Variants in BRD8 observed in about 807,000 individuals in gnomAD.
BRD8 encodes the protein bromodomain containing 8, also known as bromodomain-containing protein 8.
In BRD8, 67 loss-of-function variants were observed where a neutral mutation model predicts 143.1. The observed-to-expected ratio is 0.47, with a 90% confidence interval of 0.38 to 0.57. The LOEUF is 0.57. BRD8 is among the 20% of genes least tolerant of loss of function. The probability of loss-of-function intolerance (pLI) is 0.00; values close to 1 mark genes in which losing one functional copy is unlikely to be tolerated. For missense variants in BRD8, 1,103 were observed against 1,503.0 expected (o/e 0.73, Z 4.40); for synonymous variants, 505 against 517.1 (o/e 0.98, Z 0.32).
chr5:138,152,998 G>T (rs1752430201), intron 20 of BRD8, among the ~76,000 whole-genome samples: 1 of 152,162 alleles, frequency 6.6e-6, no homozygotes, highest in South Asian at 2.1e-4. Context: ...ATACAATACA[G>T]TATAATAGAG....
intron 23 of BRD8, 118 bp downstream of exon 23, chr5:138,149,522 T>G: frequency 1.2e-6 from 1 of 819,706 alleles, no homozygotes. Context: ...TTAATTATAT[T>G]TTTTGTGTTT....
chr5:138,151,911 A>G (rs1036389070), intron 21 of BRD8, among the ~76,000 whole-genome samples: 4 of 151,892 alleles, frequency 2.6e-5, no homozygotes, highest in African/African-American at 9.7e-5. Context: ...CTGGAGTGCA[A>G]TGGTGTGATC....
At chr5:138,175,172 C>T (rs943294688) in intron 2 of BRD8, among the ~76,000 whole-genome samples, 24 of 152,210 alleles carry the variant, frequency 1.6e-4, no homozygotes, top group Admixed American at 3.9e-4. Context: ...GCGTGAGCCA[C>T]TGCGCCCGGC....
rs140265024 is a variant in BRD8 at position 138,150,804 on chromosome 5, C to A, written c.3061G>T (p.Val1021Leu). ...KPLGENGKPE[V>L]ASAPSVICTV... ...CAAATAACTGAGGGAGCTGAAGCCA[C>A]CTCTGGCTTTCCATTTTCTCCCAGT... Residue 1021 changes from valine to leucine, a missense_variant, in exon 22 of 27, where the codon GTG becomes TTG. Transcript: ENST00000254900. 97 of 1,614,204 alleles carry A rather than the reference C, an allele frequency of 6.0e-5. No individual in the cohort carries two copies. In the African/African-American group the frequency reaches 1.3e-3, roughly 21 times the overall value.
rs1753384977 is a variant in BRD8 at position 138,165,982 on chromosome 5, C to T, written c.1124G>A (p.Gly375Glu). Residue 375 changes from glycine to glutamate, a missense_variant, in exon 11 of 27, where the codon GGG becomes GAG. Coordinates refer to ENST00000254900, the MANE Select transcript of BRD8 (RefSeq NM_139199.2). ...NSIKEECFRS[G>E]VAEAPVGSKA... ...TGATCCAACAGGAGCCTCTGCTACCCCTGATCGAAAACACTCTTCTTTGAT... is the reference window on the plus strand; with the variant it reads ...TGATCCAACAGGAGCCTCTGCTACCTCTGATCGAAAACACTCTTCTTTGAT... 1 of 1,614,158 alleles carries T rather than the reference C, an allele frequency of 6.2e-7. No individual in the cohort carries two copies. Among genetic ancestry groups the T allele is most frequent in the Non-Finnish European group, 8.5e-7 (1 of 1,180,042 alleles).
chr5:138,156,246 T>C (rs947893932), intron 20 of BRD8, among the ~76,000 whole-genome samples: 1 of 152,170 alleles, frequency 6.6e-6, no homozygotes, highest in East Asian at 1.9e-4. Context: ...TTCAAGTGCT[T>C]CTTCTGCCTC....
In BRD8 at chr5:138,177,677, G is replaced by GCAA; in HGVS notation, c.20-11_20-10insTTG. The GCAA allele has an allele frequency of 7.7e-7, 1 of 1,303,764 alleles. No homozygotes were observed. Among genetic ancestry groups the GCAA allele is most frequent in the Non-Finnish European group, 1.0e-6 (1 of 975,654 alleles). 80.8% of individuals were successfully genotyped at this position (1,303,764 alleles called of 1,614,324 possible). On this transcript the variant is annotated splice_polypyrimidine_tract_variant and intron_variant, in intron 1 of 26. Coordinates refer to ENST00000254900, the MANE Select transcript of BRD8 (RefSeq NM_139199.2). The stretch of plus-strand genomic sequence containing the variant: ...CTTAGCAGCTTGTGTTCTGGGAAAG[G>GCAA]GAGAAAAAAAAAAAAGCCTTGGAAA...
intron 20 of BRD8, chr5:138,156,879 A>G (rs1244211329): frequency 8.3e-6 from 9 of 1,082,706 alleles, no homozygotes; most frequent in Admixed American, 9.8e-5. Flanking sequence ...GAACAAGCCA[A>G]AGGCTAGTTT....
chr5:138,171,522 G>A (rs946903233), intron 3 of BRD8, 112 bp from the exon 4 acceptor site: 1 of 710,700 alleles, frequency 1.4e-6, no homozygotes, highest in African/African-American at 1.8e-5. Flanking sequence ...CTATATGTAA[G>A]ACGGGAGTGG....
At chr5:138,144,920 T>A (rs56259296) in intron 25 of BRD8, among the ~76,000 whole-genome samples, 22,312 of 112,828 alleles carry the variant, frequency 0.2, 2,411 homozygotes, top group Non-Finnish European at 0.22. Context: ...AAAAAAAAAA[T>A]ATATATATAT....
intron 23 of BRD8, among the ~76,000 whole-genome samples, chr5:138,146,499 G>A (rs1752155349): frequency 6.6e-6 from 1 of 151,746 alleles, no homozygotes; most frequent in African/African-American, 2.4e-5. Flanking sequence ...GGGACTCCAG[G>A]CACATGCCAC....
chr5:138,159,672 C>T (rs1752852445), intron 19 of BRD8, 73 bp from the exon 20 acceptor site: 2 of 1,455,652 alleles, frequency 1.4e-6, no homozygotes, highest in Non-Finnish European at 1.9e-6. Flanking sequence ...AACCTCAGGA[C>T]AGAGACACAA....
intron 20 of BRD8, among the ~76,000 whole-genome samples, chr5:138,158,432 CTTT>C: frequency 6.7e-6 from 1 of 149,436 alleles, no homozygotes; most frequent in South Asian, 2.1e-4. Context: ...GCAGTGGTCA[CTTT>C]TTTTTTTCTT....
rs1009313990 is a variant in BRD8 at position 138,164,809 on chromosome 5, C to T, written c.1636G>A (p.Glu546Lys). 1 of 1,614,224 alleles carries T rather than the reference C, an allele frequency of 6.2e-7. No homozygotes were observed. Among genetic ancestry groups the T allele is most frequent in the African/African-American group, 1.3e-5 (1 of 75,056 alleles). Reference sequence around the variant, plus strand: ...CCAGCTGCAGTACTTCCCAGTTCCTCATCTAAGTCCTGACTCCTGAGTTCT... The same window carrying T: ...CCAGCTGCAGTACTTCCCAGTTCCTTATCTAAGTCCTGACTCCTGAGTTCT... ...PPELRSQDLD[E>K]ELGSTAAGEI... Residue 546 changes from glutamate (E) to lysine (K), a missense_variant, in exon 12 of 27, where the codon GAG (glutamate) becomes AAG (lysine). Glu to Lys is a moderately conservative substitution (Grantham distance 56). Coordinates refer to ENST00000254900, the MANE Select transcript of BRD8 (RefSeq NM_139199.2).
rs35529846 is a variant in BRD8 at position 138,142,759 on chromosome 5, CAAAAAAAAA to C, written c.3438-1886_3438-1878del. Among the ~76,000 whole-genome samples, 6 of 83,844 alleles carry C rather than the reference CAAAAAAAAA, an allele frequency of 7.2e-5. No individual in the cohort carries two copies. In the East Asian group the frequency reaches 2.1e-3, roughly 29 times the overall value. 55.0% of individuals were successfully genotyped at this position (83,844 alleles called of 152,430 possible). On this transcript the variant is annotated intron_variant, in intron 25 of 26. Transcript: ENST00000254900. ...GCCTGGTGACAGAGCAAGACTGTCT[CAAAAAAAAA>C]AAAAAAAAAAAATCCAAAATAGGCT... is the stretch of plus-strand genomic sequence containing the variant.
chr5:138,170,733 G>C, intron 6 of BRD8, 99 bp downstream of exon 6: 1 of 1,160,932 alleles, frequency 8.6e-7, no homozygotes, highest in South Asian at 1.3e-5. Flanking sequence ...TCTGTCTCAA[G>C]TCTAAAGGGA....
intron 1 of BRD8, 133 bp from the exon 2 acceptor site, chr5:138,177,800 C>A: frequency 2.0e-6 from 1 of 502,218 alleles, no homozygotes. Flanking sequence ...AAGTGAGCTA[C>A]TATAACCAAA....
chr5:138,140,135 C>G lies in BRD8; in HGVS notation c.3647G>C (p.Gly1216Ala), dbSNP rs1237031240. 1.2e-6 allele frequency: 2 copies of G among 1,613,858 alleles called. No homozygotes were observed. The highest frequency in any genetic ancestry group is 1.1e-5 in the South Asian group (1 of 91,074). Residue 1216 changes from glycine (G) to alanine (A), a missense_variant, in exon 27 of 27, where the codon GGC (glycine) becomes GCC (alanine). Gly to Ala is a moderately conservative substitution (Grantham distance 60, BLOSUM62 0). Transcript: ENST00000254900. ...TGGTTCTCCTTCCAGACTACTTGAG[C>G]CTTTTCTTTTGTCTAACCAGATATT... ...VLNIWLDKRK[G>A]SSSLEGEPAN...
Position 138,163,362 on chromosome 5 carries a change from C to T in BRD8, c.1873-18G>A. The T allele has an allele frequency of 6.2e-7, 1 of 1,611,958 alleles. No homozygotes were observed. Among genetic ancestry groups the T allele is most frequent in the Non-Finnish European group, 8.5e-7 (1 of 1,178,436 alleles). ...GGGGCATCCTTAGATACAGTATGCT[C>T]CAGTTAACAAATGCAAGCAAAGCTA... On this transcript the variant is annotated intron_variant, in intron 14 of 26. Transcript: ENST00000254900.
Sources: gnomAD v4.1 joint callset for allele counts (sites outside exome capture counted in the v4.1 genomes callset) on GRCh38, gnomAD v4.1.1 for gene constraint, MANE v1.5 for transcripts, NCBI Gene and HGNC (gene_info 2026-07-23, HGNC 2026-07-21) for gene names.